The following KCNB2 variants were observed in gnomAD, a reference collection of about 807,000 sequenced individuals.
KCNB2 encodes the protein delayed rectifier potassium channel protein.
Under a neutral mutation model 61.5 loss-of-function variants are expected in KCNB2, and 15 were observed. The ratio of observed to expected loss-of-function variants is 0.24; its 90% CI spans 0.16 to 0.38. The LOEUF (loss-of-function observed/expected upper bound fraction) is 0.38, where lower values mean the gene tolerates loss of function less well. Ranked by LOEUF, KCNB2 falls within the 10% of genes least tolerant of loss-of-function variation. KCNB2 has a pLI of 1.00. For missense variants in KCNB2, 828 were observed against 1,125.2 expected, an observed-to-expected ratio of 0.74 and a Z score of 3.78; for synonymous variants, 457 against 446.0, an observed-to-expected ratio of 1.02 and a Z score of -0.31.
At chr8:72,683,294 T>C (rs1806794530) in intron 2 of KCNB2, among the ~76,000 whole-genome samples, 1 of 152,252 alleles carries the variant, frequency 6.6e-6, no homozygotes, top group Admixed American at 6.5e-5. Context: ...TGATTATTCA[T>C]GCATGTAAGC....
intron 2 of KCNB2, among the ~76,000 whole-genome samples, chr8:72,797,097 T>C (rs1809043906): frequency 6.6e-6 from 1 of 152,180 alleles, no homozygotes; most frequent in Non-Finnish European, 1.5e-5. Flanking sequence ...TGATATGATA[T>C]GATTTAATAA....
rs1285519551 is a variant in KCNB2 at position 72,936,999 on chromosome 8, C to T, written c.1644C>T (p.Thr548=). The change falls in exon 3 of 3, where the codon ACC becomes ACT. Residue 548 remains threonine (T), a synonymous_variant. Coordinates refer to ENST00000523207, the MANE Select transcript of KCNB2 (RefSeq NM_004770.3). This position sits in a 1 kb window ranked among gnomAD's most constrained non-coding sequence, Gnocchi z 5.6. ...TGGAGATGCTATACAATGAAATCACCAAGACACAGCCTCATTCTCACCCAA... is the reference window on the plus strand; with the variant it reads ...TGGAGATGCTATACAATGAAATCACTAAGACACAGCCTCATTCTCACCCAA... The part of the protein sequence containing the change: ...QKLEMLYNEI[T]KTQPHSHPNP... 1.7e-5 allele frequency: 28 copies of T among 1,614,016 alleles called. No homozygotes were observed. Among genetic ancestry groups the T allele is most frequent in the Non-Finnish European group, 2.3e-5 (27 of 1,180,026 alleles).
At chr8:72,898,730 G>A (rs1448226619) in intron 2 of KCNB2, among the ~76,000 whole-genome samples, 1 of 152,104 alleles carries the variant, frequency 6.6e-6, no homozygotes, top group Non-Finnish European at 1.5e-5. Flanking sequence ...TATATTACAT[G>A]ATGCTGAGGT....
chr8:72,926,355 C>T (rs1175920076), intron 2 of KCNB2, among the ~76,000 whole-genome samples: 5 of 152,056 alleles, frequency 3.3e-5, no homozygotes, highest in Non-Finnish European at 7.4e-5. Context: ...AACACATAAA[C>T]TTTATTTATC....
At chr8:72,718,319 T>C (rs1807482618) in intron 2 of KCNB2, among the ~76,000 whole-genome samples, 2 of 152,194 alleles carry the variant, frequency 1.3e-5, no homozygotes, top group Admixed American at 1.3e-4. Context: ...ACTGGGTATA[T>C]ACCCAAAGGA....
chr8:72,623,102 T>G (rs571779794), intron 2 of KCNB2, among the ~76,000 whole-genome samples: 1 of 152,342 alleles, frequency 6.6e-6, no homozygotes, highest in East Asian at 1.9e-4. Context: ...TTAATTATAC[T>G]GCCATTTCAC....
At chr8:72,703,766 G>A (rs990756453) in intron 2 of KCNB2, among the ~76,000 whole-genome samples, 10 of 152,262 alleles carry the variant, frequency 6.6e-5, no homozygotes, top group Admixed American at 6.5e-4. Flanking sequence ...AAAACCATGG[G>A]AGTAGCTCTG....
chr8:72,846,263 C>T (rs572739256), intron 2 of KCNB2, among the ~76,000 whole-genome samples: 3 of 152,168 alleles, frequency 2.0e-5, no homozygotes, highest in Non-Finnish European at 2.9e-5. Flanking sequence ...GGCTCACCCT[C>T]CATGGGCTGC....
At chr8:72,685,407 A>T (rs562649948) in intron 2 of KCNB2, among the ~76,000 whole-genome samples, 1 of 152,286 alleles carries the variant, frequency 6.6e-6, no homozygotes, top group South Asian at 2.1e-4. Flanking sequence ...GCGATATGCC[A>T]TGCCTTGTCC....
intron 2 of KCNB2, among the ~76,000 whole-genome samples, chr8:72,762,882 A>AATATATATATATATATATAT (rs10551590): frequency 5.6e-5 from 8 of 141,610 alleles, no homozygotes; most frequent in African/African-American, 2.1e-4. Context: ...CATATTAACA[A>AATATATATATATATATATAT]ATATATATAT....
intron 2 of KCNB2, among the ~76,000 whole-genome samples, chr8:72,674,765 T>G (rs1806623012): frequency 6.6e-6 from 1 of 152,174 alleles, no homozygotes. Context: ...GATAGAAAAC[T>G]GCAGGGTATA....
chr8:72,863,107 A>G (rs764031572), intron 2 of KCNB2, among the ~76,000 whole-genome samples: 1 of 152,236 alleles, frequency 6.6e-6, no homozygotes, highest in Non-Finnish European at 1.5e-5. Context: ...AAACCATACA[A>G]TAACTCAAAA....
At chr8:72,808,705 A>T (rs1387838026) in intron 2 of KCNB2, among the ~76,000 whole-genome samples, 1 of 152,144 alleles carries the variant, frequency 6.6e-6, no homozygotes, top group African/African-American at 2.4e-5. Flanking sequence ...CAAAGATCCC[A>T]TGTACTTGAC....
chr8:72,884,359 T>C (rs560576544), intron 2 of KCNB2, among the ~76,000 whole-genome samples: 1 of 152,198 alleles, frequency 6.6e-6, no homozygotes, highest in Non-Finnish European at 1.5e-5. Flanking sequence ...TCTCCCAGTG[T>C]GTGTGTGTTA....
chr8:72,839,687 G>A (rs1294666005), intron 2 of KCNB2, among the ~76,000 whole-genome samples: 25 of 126,210 alleles, frequency 2.0e-4, no homozygotes, highest in Non-Finnish European at 1.4e-4. Context: ...ATCTCGGCTC[G>A]CTGCAAGCTC....
chr8:72,541,959 C>T (rs185092141), intron 1 of KCNB2, among the ~76,000 whole-genome samples: 24 of 151,988 alleles, frequency 1.6e-4, no homozygotes, highest in Admixed American at 1.2e-3. Flanking sequence ...TGCATGTCCC[C>T]ATTTTTTTCC....
At chr8:72,765,363 C>A (rs1045299640) in intron 2 of KCNB2, among the ~76,000 whole-genome samples, 1 of 152,178 alleles carries the variant, frequency 6.6e-6, no homozygotes, top group Non-Finnish European at 1.5e-5. Flanking sequence ...TCTTTTCTGG[C>A]AAACCTTATT....
At chr8:72,931,131 G>A (rs1367805430) in intron 2 of KCNB2, among the ~76,000 whole-genome samples, 2 of 152,070 alleles carry the variant, frequency 1.3e-5, no homozygotes, top group African/African-American at 4.8e-5. Context: ...TATTTCTGAG[G>A]GCTCTGTTCT....
intron 2 of KCNB2, among the ~76,000 whole-genome samples, chr8:72,893,636 T>C (rs190446554): frequency 6.6e-6 from 1 of 152,312 alleles, no homozygotes; most frequent in Non-Finnish European, 1.5e-5. Flanking sequence ...TTATCCCATC[T>C]TTTTTTGGCC....
Sources: allele counts gnomAD v4.1 joint callset (sites outside exome capture counted in the v4.1 genomes callset), GRCh38; gene constraint gnomAD v4.1.1; non-coding constraint Gnocchi (gnomAD v3.1); transcripts MANE v1.5; gene names NCBI Gene and HGNC (gene_info 2026-07-23, HGNC 2026-07-21).